The following VPS13B variants were observed in gnomAD, a reference collection of about 807,000 sequenced individuals.
VPS13B encodes intermembrane lipid transfer protein VPS13B.
A neutral mutation model predicts 426.4 loss-of-function variants in VPS13B; 285 were observed. The observed-to-expected ratio is 0.67, with a 90% CI of 0.61 to 0.74. The LOEUF is 0.74. Ranked by LOEUF, VPS13B falls within the 30% of genes least tolerant of loss-of-function variation. The pLI, the probability that VPS13B is intolerant of heterozygous loss-of-function variation, is 0.00. For synonymous variants in VPS13B, 1,676 were observed against 1,676.4 expected, an observed-to-expected ratio of 1.00 and a Z score of 0.01; for missense variants, 4,537 against 4,782.6, an observed-to-expected ratio of 0.95 and a Z score of 1.51.
intron 35 of VPS13B, chr8:99,696,506 C>T (rs1380950690): frequency 6.9e-6 from 3 of 432,418 alleles, no homozygotes; most frequent in Non-Finnish European, 1.3e-5. Context: ...TCCTTGTGTT[C>T]GTGGTTGTCC....
rs554603239 is a variant in VPS13B at position 99,477,767 on chromosome 8, A to G, written c.3667-3832A>G. ...CTGTATCAGACATTACTGTCTGTCT[A>G]TGTTATTCCTGGAACTTTCATTGCC... On this transcript the variant is annotated intron_variant, in intron 24 of 61. Coordinates refer to ENST00000357162, the MANE Select transcript of VPS13B (RefSeq NM_152564.5). Among the ~76,000 whole-genome samples the G allele has an allele frequency of 5.3e-5, 8 of 152,274 alleles. No individual in the cohort carries two copies. The East Asian group carries it at 9.6e-4, about 18-fold the overall frequency.
intron 29 of VPS13B, among the ~76,000 whole-genome samples, chr8:99,518,100 T>C (rs1288953202): frequency 6.6e-6 from 1 of 152,110 alleles, no homozygotes; most frequent in Non-Finnish European, 1.5e-5. Context: ...CAGAATTCTG[T>C]TCTTGGATCT....
At chr8:99,271,896 G>T (rs1166987593) in intron 17 of VPS13B, among the ~76,000 whole-genome samples, 1 of 152,100 alleles carries the variant, frequency 6.6e-6, no homozygotes, top group African/African-American at 2.4e-5. Flanking sequence ...ATTCAACATG[G>T]GGTTTGGGTG....
intron 35 of VPS13B, among the ~76,000 whole-genome samples, chr8:99,692,006 A>G (rs1221459187): frequency 1.3e-5 from 2 of 151,904 alleles, no homozygotes; most frequent in African/African-American, 2.4e-5. Flanking sequence ...CCCTAAATAT[A>G]TATGCACCCA....
rs753282248 is a variant in VPS13B at position 99,784,474 on chromosome 8, C to T, written c.7939C>T (p.Gln2647Ter). The T allele has an allele frequency of 6.2e-7, 1 of 1,613,584 alleles. No individual in the cohort carries two copies. The highest frequency in any genetic ancestry group is 2.2e-5 in the East Asian group (1 of 44,864). The change falls in exon 43 of 62, where the codon CAG becomes TAG. Residue 2647 changes from glutamine (Q) to a stop codon, truncating the protein, a stop_gained and splice_region_variant. Transcript: ENST00000357162. LOFTEE classifies it high-confidence loss of function. ...QYSWRSHKSP[Q>*]LLHICIEGWG... ...CAGCTGGCGCTCTCACAAATCCCCA[C>T]AGGTATTTGAGAAACACCCTTACAA... is the stretch of plus-strand genomic sequence containing the variant.
intron 19 of VPS13B, among the ~76,000 whole-genome samples, chr8:99,314,890 T>C (rs968978398): frequency 3.3e-5 from 5 of 152,234 alleles, no homozygotes; most frequent in African/African-American, 1.2e-4. Context: ...ACCTTCTTTG[T>C]GTCTTTTTAC....
intron 17 of VPS13B, among the ~76,000 whole-genome samples, chr8:99,218,457 G>A (rs1285813775): frequency 6.6e-6 from 1 of 152,204 alleles, no homozygotes; most frequent in Admixed American, 6.5e-5. Flanking sequence ...TAGACTAAGA[G>A]AGGGTAAGGG....
intron 25 of VPS13B, among the ~76,000 whole-genome samples, chr8:99,490,559 A>T (rs1391524984): frequency 2.0e-5 from 3 of 151,988 alleles, no homozygotes; most frequent in African/African-American, 7.3e-5. Context: ...TAGGCTATTA[A>T]TTTTTGCCTC....
intron 24 of VPS13B, among the ~76,000 whole-genome samples, chr8:99,475,583 G>A (rs1819649254): frequency 6.6e-6 from 1 of 152,034 alleles, no homozygotes; most frequent in Non-Finnish European, 1.5e-5. Context: ...TAATACTTTG[G>A]CTCAAAACTA....
intron 24 of VPS13B, among the ~76,000 whole-genome samples, chr8:99,472,426 A>G (rs977279521): frequency 2.0e-5 from 3 of 152,026 alleles, no homozygotes; most frequent in African/African-American, 7.2e-5. Context: ...AACTTTAAAT[A>G]TGTGGACATT....
intron 30 of VPS13B, among the ~76,000 whole-genome samples, chr8:99,547,036 G>C (rs573160532): frequency 3.2e-4 from 49 of 152,108 alleles, no homozygotes; most frequent in Non-Finnish European, 6.9e-4. Context: ...TGCTCACCTT[G>C]GTTCAGATAG....
At chr8:99,103,145 A>G (rs766153737) in intron 5 of VPS13B, 25 bp downstream of exon 5, 21 of 1,611,660 alleles carry the variant, frequency 1.3e-5, no homozygotes, top group Middle Eastern at 1.7e-4. Flanking sequence ...AGAATACCGT[A>G]TATTTTTCCA....
chr8:99,871,131 G>A (rs1817387040), intron 60 of VPS13B: 3 of 599,950 alleles, frequency 5.0e-6, no homozygotes, highest in Middle Eastern at 9.1e-4. Context: ...TCATACATTG[G>A]CAGAGAAACC....
intron 17 of VPS13B, among the ~76,000 whole-genome samples, chr8:99,248,640 C>A (rs923683928): frequency 4.6e-5 from 7 of 152,006 alleles, no homozygotes; most frequent in African/African-American, 1.7e-4. Flanking sequence ...GAACAAGTAA[C>A]CTGCTTATTG....
intron 25 of VPS13B, among the ~76,000 whole-genome samples, chr8:99,489,347 G>GA (rs1554817528): frequency 7.0e-6 from 1 of 143,304 alleles, no homozygotes; most frequent in Non-Finnish European, 1.5e-5. Context: ...TTTTTGTTTT[G>GA]TTTTTTTTTT....
intron 56 of VPS13B, among the ~76,000 whole-genome samples, chr8:99,857,028 C>T (rs1023921576): frequency 5.3e-5 from 8 of 152,160 alleles, no homozygotes; most frequent in Non-Finnish European, 8.8e-5. Flanking sequence ...AGGCAGACTC[C>T]CTTCTTCAAC....
At chr8:99,580,984 AACACACACACACACAC>A (rs34074519) in intron 33 of VPS13B, among the ~76,000 whole-genome samples, 22 of 126,684 alleles carry the variant, frequency 1.7e-4, no homozygotes, top group South Asian at 8.7e-4. Flanking sequence ...ATCTCTACAA[AACACACACACACACAC>A]ACACACACAC....
At chr8:99,401,876 A>G (rs564958510) in intron 21 of VPS13B, among the ~76,000 whole-genome samples, 2 of 152,234 alleles carry the variant, frequency 1.3e-5, no homozygotes, top group South Asian at 4.1e-4. Context: ...AAATACATAA[A>G]TAAATAAATA....
chr8:99,363,552 G>C (rs574413972), intron 19 of VPS13B, among the ~76,000 whole-genome samples: 1 of 152,242 alleles, frequency 6.6e-6, no homozygotes, highest in East Asian at 1.9e-4. Context: ...TATGTAGATT[G>C]CTCTGGGTAG....
Sources: allele counts gnomAD v4.1 joint callset (sites outside exome capture counted in the v4.1 genomes callset), GRCh38; gene constraint gnomAD v4.1.1; transcripts MANE v1.5; gene names NCBI Gene and HGNC (gene_info 2026-07-23, HGNC 2026-07-21).